Variants in TBC1D14 observed in about 807,000 individuals in gnomAD.
TBC1D14 encodes the protein TBC1 domain family, member 14.
A neutral mutation model predicts 79.0 loss-of-function variants in TBC1D14; 26 were observed. That is an observed-to-expected ratio of 0.33 (90% confidence interval 0.24 to 0.46). The LOEUF is 0.46. TBC1D14 is among the 20% of genes least tolerant of loss of function. The pLI is 1.00. For missense variants in TBC1D14, 769 were observed against 887.6 expected (o/e 0.87, Z 1.70); for synonymous variants, 394 against 349.9 (o/e 1.13, Z -1.40).
chr4:6,979,435 G>A (rs745972686), intron 3 of TBC1D14, among the ~76,000 whole-genome samples: 3 of 152,152 alleles, frequency 2.0e-5, no homozygotes, highest in Non-Finnish European at 4.4e-5. Flanking sequence ...AGACCAGCCT[G>A]ATAAGCATAG....
intron 1 of TBC1D14, among the ~76,000 whole-genome samples, chr4:6,918,553 A>G (rs1723585055): frequency 6.6e-6 from 1 of 152,166 alleles, no homozygotes; most frequent in Admixed American, 6.5e-5. Context: ...GCTATAGGGT[A>G]TTGTCCCATC....
intron 2 of TBC1D14, among the ~76,000 whole-genome samples, chr4:6,924,644 C>T (rs1037720967): frequency 1.3e-5 from 2 of 152,200 alleles, no homozygotes; most frequent in Admixed American, 6.5e-5. Context: ...ACTGCAGCCC[C>T]ATGCATTCCC....
At chr4:6,912,396 T>TA (rs569721633) in intron 1 of TBC1D14, among the ~76,000 whole-genome samples, 102 of 151,146 alleles carry the variant, frequency 6.7e-4, no homozygotes, top group African/African-American at 2.1e-3. Flanking sequence ...AAAAATAAAA[T>TA]AAAAAAAATA....
chr4:7,002,598 G>A (rs1013953775), intron 7 of TBC1D14, among the ~76,000 whole-genome samples: 8 of 152,078 alleles, frequency 5.3e-5, no homozygotes, highest in South Asian at 2.1e-4. Flanking sequence ...ATTGTGAACC[G>A]CGCAGTGTCA....
intron 2 of TBC1D14, among the ~76,000 whole-genome samples, chr4:6,926,843 C>T (rs4689560): frequency 0.088 from 13,457 of 152,262 alleles, 766 homozygotes; most frequent in Middle Eastern, 0.16. Context: ...TTGCTGAGGG[C>T]AGGGCTGGGG....
At chr4:6,982,177 T>C (rs1717436596) in intron 3 of TBC1D14, among the ~76,000 whole-genome samples, 1 of 152,162 alleles carries the variant, frequency 6.6e-6, no homozygotes, top group Admixed American at 6.5e-5. Flanking sequence ...AATCTGTACA[T>C]GTTTATAGCA....
intron 3 of TBC1D14, among the ~76,000 whole-genome samples, chr4:6,986,352 G>C (rs1560310004): frequency 6.6e-6 from 1 of 152,226 alleles, no homozygotes; most frequent in Non-Finnish European, 1.5e-5. Context: ...GGGTTCCAGG[G>C]AGTATGGTAG....
rs560318661 is a variant in TBC1D14, at chr4:6,918,149, G to C, written c.-17-5224G>C. Among the ~76,000 whole-genome samples, 16 of 152,318 alleles carry C rather than the reference G, an allele frequency of 1.1e-4. No individual in the cohort carries two copies. The South Asian group carries it at 3.1e-3, about 30-fold the overall frequency. ...AAAAGGTTTTCTTTCTCTACTTAAAGCCAGATGGCTTTGGGCTCTGCCAGA... is the reference window on the plus strand; with the variant it reads ...AAAAGGTTTTCTTTCTCTACTTAAACCCAGATGGCTTTGGGCTCTGCCAGA... On this transcript the variant is annotated intron_variant, in intron 1 of 13. Coordinates refer to ENST00000409757, the MANE Select transcript of TBC1D14 (RefSeq NM_020773.3).
chr4:7,002,207 C>T (rs900284714), intron 7 of TBC1D14, among the ~76,000 whole-genome samples: 1 of 152,164 alleles, frequency 6.6e-6, no homozygotes, highest in Non-Finnish European at 1.5e-5. Context: ...CGTGGGGGCC[C>T]GGAACTCCCT....
intron 2 of TBC1D14, among the ~76,000 whole-genome samples, chr4:6,946,319 T>G (rs372946715): frequency 3.3e-5 from 5 of 150,948 alleles, no homozygotes; most frequent in African/African-American, 1.2e-4. Context: ...TTAGTGTTAT[T>G]TATTTATTTT....
chr4:6,928,201 A>G (rs1724435048), intron 2 of TBC1D14, among the ~76,000 whole-genome samples: 2 of 152,194 alleles, frequency 1.3e-5, no homozygotes, highest in South Asian at 4.1e-4. Context: ...GAGCTTGCCC[A>G]GTGAAGGTGT....
Position 7,025,064 on chromosome 4 carries a change from G to T in TBC1D14, c.1818G>T (p.Val606=). 1 of 1,614,172 alleles carries T rather than the reference G, an allele frequency of 6.2e-7. No homozygotes were observed. Among genetic ancestry groups the T allele is most frequent in the East Asian group, 2.2e-5 (1 of 44,870 alleles). The part of the protein sequence containing the change: ...PLDLACRIWD[V]FCRDGEEFLF... ...ACCTGGCCTGTCGTATCTGGGACGT[G>T]TTCTGTCGCGATGGGGAAGAGTTCC... The change falls in exon 13 of 14, where the codon GTG becomes GTT. Residue 606 remains valine (V), a synonymous_variant. Coordinates refer to ENST00000409757, the MANE Select transcript of TBC1D14 (RefSeq NM_020773.3).
At chr4:6,999,018 A>G in intron 5 of TBC1D14, 67 bp from the exon 6 acceptor site, 2 of 1,528,126 alleles carry the variant, frequency 1.3e-6, no homozygotes, top group Non-Finnish European at 1.8e-6. Context: ...TGACAGGAAA[A>G]TCACCTTGCC....
rs1724054763 is a variant in TBC1D14, at chr4:6,923,793, A to C, written c.404A>C (p.Tyr135Ser). Residue 135 changes from tyrosine to serine, a missense_variant, in exon 2 of 14, where the codon TAT becomes TCT. Physicochemically the swap from Tyr to Ser is moderately radical, Grantham distance 144. Coordinates refer to ENST00000409757, the MANE Select transcript of TBC1D14 (RefSeq NM_020773.3). ...RKSSTFPRTG[Y>S]DSVKLYSPTS... Reference sequence around the variant, plus strand: ...TCCTCCACGTTTCCCAGGACAGGCTATGACTCGGTAAAGCTCTATAGCCCG... The same window carrying C: ...TCCTCCACGTTTCCCAGGACAGGCTCTGACTCGGTAAAGCTCTATAGCCCG... The C allele has an allele frequency of 1.2e-6, 2 of 1,614,014 alleles. No individual in the cohort carries two copies. The highest frequency in any genetic ancestry group is 1.7e-5 in the Admixed American group (1 of 60,004).
In TBC1D14 at chr4:7,032,406, G is replaced by C. The variant is rs1278584483; in HGVS notation, c.*2014G>C. 6.5e-6 allele frequency: 1 copy of C among 152,718 alleles called. No homozygotes were observed. The highest frequency in any genetic ancestry group is 1.5e-5 in the Non-Finnish European group (1 of 68,080). The allele number at this position is 152,718 out of a possible 1,614,324, so 9.5% of individuals were successfully genotyped here. A position where few individuals can be genotyped will look rare whatever the true frequency, so the allele number is the denominator to read the frequency against. The stretch of plus-strand genomic sequence containing the variant: ...CGCGGCAAAGGGCCTCGTGCAGTGT[G>C]TTCAGATTGCCCCTGGGGATCTTCT... On this transcript the variant is annotated 3_prime_UTR_variant, in exon 14 of 14. Coordinates refer to ENST00000409757, the MANE Select transcript of TBC1D14 (RefSeq NM_020773.3).
intron 3 of TBC1D14, among the ~76,000 whole-genome samples, chr4:6,969,017 A>C (rs1056656391): frequency 4.6e-5 from 7 of 152,320 alleles, no homozygotes; most frequent in Non-Finnish European, 1.0e-4. Flanking sequence ...TCTGGGCAAC[A>C]AAGTGGGTTT....
At chr4:6,955,191 A>G (rs1714510179) in intron 2 of TBC1D14, among the ~76,000 whole-genome samples, 1 of 152,074 alleles carries the variant, frequency 6.6e-6, no homozygotes, top group Non-Finnish European at 1.5e-5. Context: ...TTCAAAGGAG[A>G]GTCAGAGGCC....
intron 2 of TBC1D14, among the ~76,000 whole-genome samples, chr4:6,948,530 C>T (rs1713701138): frequency 6.6e-6 from 1 of 152,086 alleles, no homozygotes; most frequent in Non-Finnish European, 1.5e-5. Flanking sequence ...TAATGCCCAC[C>T]ATGGTGTTCT....
At chr4:6,935,840 C>T (rs1451594882) in intron 2 of TBC1D14, among the ~76,000 whole-genome samples, 1 of 152,042 alleles carries the variant, frequency 6.6e-6, no homozygotes. Flanking sequence ...AATGGGGTTT[C>T]ACTGTGTTGG....
Sources: gnomAD v4.1 joint callset for allele counts (sites outside exome capture counted in the v4.1 genomes callset) on GRCh38, gnomAD v4.1.1 for gene constraint, MANE v1.5 for transcripts, NCBI Gene and HGNC (gene_info 2026-07-23, HGNC 2026-07-21) for gene names.